Variants in FHIT observed in about 807,000 individuals in gnomAD.
The protein encoded by FHIT is fragile histidine triad diadenosine triphosphatase.
Under a neutral mutation model 17.9 loss-of-function variants are expected in FHIT, and 19 were observed. That is an observed-to-expected ratio of 1.06 (90% CI 0.74 to 1.56). The LOEUF (loss-of-function observed/expected upper bound fraction) is 1.56, where lower values mean the gene tolerates loss of function less well. FHIT is among the 40% of genes most tolerant of loss of function. FHIT has a pLI of 0.00. For synonymous variants in FHIT, 81 were observed against 69.7 expected, an observed-to-expected ratio of 1.16 and a Z score of -0.81; for missense variants, 248 against 189.2, an observed-to-expected ratio of 1.31 and a Z score of -1.82.
intron 3 of FHIT, among the ~76,000 whole-genome samples, chr3:60,880,020 T>C (rs7621672): frequency 0.21 from 31,631 of 151,900 alleles, 3,528 homozygotes; most frequent in Middle Eastern, 0.28. Flanking sequence ...GAGATGTGTA[T>C]ATACAGATCC....
At chr3:59,866,476 G>A (rs1702655242) in intron 8 of FHIT, among the ~76,000 whole-genome samples, 1 of 152,138 alleles carries the variant, frequency 6.6e-6, no homozygotes, top group African/African-American at 2.4e-5. Flanking sequence ...TTGACAACGG[G>A]GGCATGACAA....
chr3:60,561,946 AACAGAG>A (rs1317540565), intron 4 of FHIT, among the ~76,000 whole-genome samples: 2 of 150,530 alleles, frequency 1.3e-5, no homozygotes, highest in Admixed American at 6.6e-5. Flanking sequence ...GAAAGAGAGA[AACAGAG>A]AGAGAGAGAG....
At chr3:60,436,372 G>A (rs1377001878) in intron 5 of FHIT, among the ~76,000 whole-genome samples, 2 of 151,986 alleles carry the variant, frequency 1.3e-5, no homozygotes, top group African/African-American at 2.4e-5. Flanking sequence ...TCTTTATCCA[G>A]TTTATCAATG....
chr3:60,532,015 A>C (rs1011870256), intron 5 of FHIT, among the ~76,000 whole-genome samples: 1 of 152,236 alleles, frequency 6.6e-6, no homozygotes, highest in Admixed American at 6.5e-5. Context: ...TATACTTTGT[A>C]AGGCTGTCCC....
At chr3:61,092,986 G>A (rs2035532126) in intron 2 of FHIT, among the ~76,000 whole-genome samples, 1 of 152,168 alleles carries the variant, frequency 6.6e-6, no homozygotes, top group Non-Finnish European at 1.5e-5. Context: ...GTAGCTCAGT[G>A]AAAACATTTC....
chr3:61,035,556 T>C (rs1303504805), intron 3 of FHIT, among the ~76,000 whole-genome samples: 1 of 152,204 alleles, frequency 6.6e-6, no homozygotes, highest in Non-Finnish European at 1.5e-5. Context: ...TACCTTAGTA[T>C]GTCAGTCAGG....
At chr3:61,145,448 T>C (rs113442284) in intron 2 of FHIT, among the ~76,000 whole-genome samples, 1,556 of 152,232 alleles carry the variant, frequency 0.01, 21 homozygotes, top group African/African-American at 0.035. Flanking sequence ...AACTAGTAAG[T>C]GTGAGTCTTC....
At chr3:60,584,855 G>T (rs1460510052) in intron 4 of FHIT, among the ~76,000 whole-genome samples, 1 of 151,842 alleles carries the variant, frequency 6.6e-6, no homozygotes. Flanking sequence ...TAATGTTCCT[G>T]AACTATATAT....
chr3:60,249,031 G>C (rs1705549574), intron 5 of FHIT, among the ~76,000 whole-genome samples: 2 of 152,038 alleles, frequency 1.3e-5, no homozygotes, highest in South Asian at 2.1e-4. Flanking sequence ...GAATATAAAA[G>C]CATCTAGGTT....
chr3:60,330,123 T>C (rs1264471754), intron 5 of FHIT, among the ~76,000 whole-genome samples: 1 of 152,212 alleles, frequency 6.6e-6, no homozygotes, highest in Non-Finnish European at 1.5e-5. Flanking sequence ...TTCCAGTCTC[T>C]AAGTCTTCTT....
At chr3:60,979,928 T>C (rs1710422617) in intron 3 of FHIT, among the ~76,000 whole-genome samples, 1 of 152,226 alleles carries the variant, frequency 6.6e-6, no homozygotes, top group Admixed American at 6.5e-5. Flanking sequence ...ATGTTGTTGC[T>C]CCAATACTGG....
intron 7 of FHIT, among the ~76,000 whole-genome samples, chr3:60,008,535 T>G (rs1372301497): frequency 1.3e-5 from 2 of 152,110 alleles, no homozygotes; most frequent in Non-Finnish European, 2.9e-5. Flanking sequence ...GCACCTTCAT[T>G]AACGATAACA....
At chr3:60,539,545 A>C (rs571122346) in intron 4 of FHIT, among the ~76,000 whole-genome samples, 1 of 152,386 alleles carries the variant, frequency 6.6e-6, no homozygotes, top group South Asian at 2.1e-4. Context: ...AACCAACCCA[A>C]ATGTCCAACA....
At chr3:60,055,729 A>G (rs1702055632) in intron 5 of FHIT, among the ~76,000 whole-genome samples, 1 of 152,194 alleles carries the variant, frequency 6.6e-6, no homozygotes, top group East Asian at 1.9e-4. Flanking sequence ...ATAGGGATGC[A>G]AACTTTAGCT....
At chr3:61,223,201 C>T (rs1355310588) in intron 1 of FHIT, among the ~76,000 whole-genome samples, 3 of 152,150 alleles carry the variant, frequency 2.0e-5, no homozygotes, top group African/African-American at 7.2e-5. Context: ...CGGACAAATT[C>T]CATTCGACAA....
chr3:59,807,230 T>C (rs994131761), intron 8 of FHIT, among the ~76,000 whole-genome samples: 1 of 152,248 alleles, frequency 6.6e-6, no homozygotes, highest in Non-Finnish European at 1.5e-5. Flanking sequence ...AGGATCCTAG[T>C]GCAATCTTCC....
intron 3 of FHIT, among the ~76,000 whole-genome samples, chr3:60,971,472 T>G (rs1710005459): frequency 6.6e-6 from 1 of 152,208 alleles, no homozygotes; most frequent in Non-Finnish European, 1.5e-5. Context: ...ATACTGTGAT[T>G]GGTTTATTTG....
At chr3:60,316,294 G>T (rs1294819077) in intron 5 of FHIT, among the ~76,000 whole-genome samples, 1 of 152,156 alleles carries the variant, frequency 6.6e-6, no homozygotes, top group Non-Finnish European at 1.5e-5. Context: ...CCACCAGCAT[G>T]ATTTTTATAG....
At chr3:59,948,200 G>A (rs948877702) in intron 7 of FHIT, among the ~76,000 whole-genome samples, 3 of 151,930 alleles carry the variant, frequency 2.0e-5, no homozygotes, top group African/African-American at 2.4e-5. Context: ...ATAAGTATAC[G>A]TTTGGTTTTT....
Sources: gnomAD v4.1 joint callset for allele counts (sites outside exome capture counted in the v4.1 genomes callset) on GRCh38, gnomAD v4.1.1 for gene constraint, MANE v1.5 for transcripts, NCBI Gene and HGNC (gene_info 2026-07-23, HGNC 2026-07-21) for gene names.